Variants in MICAL2 observed in about 807,000 individuals in gnomAD.
MICAL2 encodes the protein [F-actin]-monooxygenase MICAL2.
MICAL2 carries 77 observed loss-of-function variants against 127.3 expected under a neutral mutation model. That is an observed-to-expected ratio of 0.60 (90% CI 0.50 to 0.73). MICAL2 has a LOEUF of 0.73. MICAL2 is among the 30% of genes least tolerant of loss of function. The pLI is 0.00. For synonymous variants in MICAL2, 570 were observed against 551.1 expected, an observed-to-expected ratio of 1.03 and a Z score of -0.48; for missense variants, 1,351 against 1,434.4, an observed-to-expected ratio of 0.94 and a Z score of 0.94.
chr11:12,298,607 C>T (rs886106746), intron 29 of MICAL2, among the ~76,000 whole-genome samples: 1 of 152,070 alleles, frequency 6.6e-6, no homozygotes, highest in African/African-American at 2.4e-5. Flanking sequence ...CCCAGTTAAG[C>T]ATGGTAACTG....
downstream of MICAL2, among the ~76,000 whole-genome samples, chr11:12,290,705 C>T (rs868456181): frequency 4.1e-4 from 62 of 152,318 alleles, no homozygotes; most frequent in Middle Eastern, 3.4e-3. Context: ...ATTACCTTTT[C>T]CCTCCAAAGC....
Position 12,311,885 on chromosome 11 carries a change from C to T in MICAL2, c.5213-7811C>T, listed in dbSNP as rs776508776. On this transcript the variant is annotated intron_variant, in intron 29 of 34. Coordinates refer to the MICAL2 transcript ENST00000646065. The stretch of plus-strand genomic sequence containing the variant: ...ATAACCTAGAACTGTTTTTGTGGAA[C>T]GTTTTTTAATTATAAATTTAGTCCC... Among the ~76,000 whole-genome samples, 5 of 151,954 alleles carry T rather than the reference C, an allele frequency of 3.3e-5. No homozygotes were observed. In the East Asian group the frequency reaches 7.7e-4, roughly 23 times the overall value.
At chr11:12,208,461 C>G (rs1855007416) in intron 5 of MICAL2, 1 of 257,476 alleles carries the variant, frequency 3.9e-6, no homozygotes, top group Non-Finnish European at 7.5e-6. Context: ...AAGGTTCATT[C>G]ACGTGTTCTT....
chr11:12,274,439 T>C (rs1346318239), upstream of MICAL2: 3 of 152,102 alleles, frequency 2.0e-5, no homozygotes, highest in African/African-American at 7.2e-5. Context: ...GGAAATTGTA[T>C]AGTTTATTGG....
chr11:12,201,722 G>A (rs1232304905), intron 3 of MICAL2, among the ~76,000 whole-genome samples: 1 of 152,228 alleles, frequency 6.6e-6, no homozygotes, highest in East Asian at 1.9e-4. Context: ...AGTGTCCATT[G>A]AGGACCGAGC....
At chr11:12,281,250 G>A (rs1333201809) in intron 2 of MICAL2, among the ~76,000 whole-genome samples, 3 of 152,204 alleles carry the variant, frequency 2.0e-5, no homozygotes, top group Non-Finnish European at 2.9e-5. Context: ...GGAGTGGGAC[G>A]CAAGTGGCAG....
chr11:12,208,036 A>G lies in MICAL2; in HGVS notation c.486A>G (p.Leu162=). The G allele has an allele frequency of 1.2e-6, 2 of 1,614,114 alleles. No homozygotes were observed. Among genetic ancestry groups the G allele is most frequent in the African/African-American group, 1.3e-5 (1 of 75,062 alleles). Residue 162 remains leucine, a synonymous_variant, in exon 5 of 28, where the codon CTA becomes CTG. Transcript: ENST00000683283. ...GSIDHISIRQ[L]QLILFKVALM... ...CCTGCCTGACAGGTATTCGCCAACTACAGCTCATCCTATTCAAGGTGGCCC... is the reference window on the plus strand; with the variant it reads ...CCTGCCTGACAGGTATTCGCCAACTGCAGCTCATCCTATTCAAGGTGGCCC...
At chr11:12,243,860 C>G in intron 20 of MICAL2, 127 bp from the exon 21 acceptor site, 8 of 1,148,256 alleles carry the variant, frequency 7.0e-6, no homozygotes, top group Non-Finnish European at 1.0e-5. Context: ...TCTGTGTTGT[C>G]CTGAGACATG....
At chr11:12,207,808 C>G (rs1565163150) in intron 4 of MICAL2, 1 of 489,100 alleles carries the variant, frequency 2.0e-6, no homozygotes. Context: ...AATTTCTCAT[C>G]TACAGAATGA....
At chr11:12,318,729 A>T (rs894606542) in intron 29 of MICAL2, among the ~76,000 whole-genome samples, 1 of 152,204 alleles carries the variant, frequency 6.6e-6, no homozygotes. Context: ...TAATCCAGCT[A>T]TTACTCATTA....
intron 3 of MICAL2, among the ~76,000 whole-genome samples, chr11:12,180,349 A>ATATATATATATATATATATATATATTT (rs11403732): frequency 1.3e-4 from 18 of 139,670 alleles, no homozygotes; most frequent in African/African-American, 4.8e-4. Context: ...ATATGTATAT[A>ATATATATATATATATATATATATATTT]TTTTTTTTTT....
chr11:12,244,580 G>A (rs1174521839), intron 21 of MICAL2, among the ~76,000 whole-genome samples: 1 of 152,176 alleles, frequency 6.6e-6, no homozygotes, highest in Non-Finnish European at 1.5e-5. Flanking sequence ...TTCTATAAGA[G>A]GTTTAAAGGG....
At chr11:12,344,001 T>A (rs554461393) in intron 32 of MICAL2, among the ~76,000 whole-genome samples, 1 of 152,282 alleles carries the variant, frequency 6.6e-6, no homozygotes, top group Admixed American at 6.5e-5. Flanking sequence ...GCTTTTGAAA[T>A]GTCTTGCATA....
intron 32 of MICAL2, among the ~76,000 whole-genome samples, chr11:12,342,202 G>A (rs890419174): frequency 2.0e-5 from 3 of 152,234 alleles, no homozygotes; most frequent in South Asian, 2.1e-4. Context: ...CCTTTTGGCT[G>A]CACCATTGCA....
chr11:12,198,534 C>G (rs1375273727), intron 3 of MICAL2, among the ~76,000 whole-genome samples: 1 of 152,202 alleles, frequency 6.6e-6, no homozygotes, highest in African/African-American at 2.4e-5. Context: ...AAACCAGTAA[C>G]AGCCAGGGGC....
downstream of MICAL2, among the ~76,000 whole-genome samples, chr11:12,288,422 G>A (rs1210975067): frequency 1.3e-5 from 2 of 152,238 alleles, no homozygotes; most frequent in African/African-American, 4.8e-5. Context: ...TGGGGTGAGA[G>A]CAGGGAGGCT....
chr11:12,213,339 A>G lies in MICAL2; in HGVS notation c.776A>G (p.Lys259Arg). 1 of 1,614,180 alleles carries G rather than the reference A, an allele frequency of 6.2e-7. No individual in the cohort carries two copies. Among genetic ancestry groups the G allele is most frequent in the Non-Finnish European group, 8.5e-7 (1 of 1,180,004 alleles). ...AACAGAAACAGCACAGCGGAAGCCAAGGTGGAAGAGATTAGTGGTGTGGCT... is the reference window on the plus strand; with the variant it reads ...AACAGAAACAGCACAGCGGAAGCCAGGGTGGAAGAGATTAGTGGTGTGGCT... Reference protein sequence around the residue: ...FINRNSTAEAKVEEISGVAFI... With the variant: ...FINRNSTAEARVEEISGVAFI... The change falls in exon 7 of 28, where the codon AAG becomes AGG. Residue 259 changes from lysine (K) to arginine (R), a missense_variant. Lys to Arg is a conservative substitution (Grantham distance 26). Around this residue, in one of 2 missense-constraint regions of MICAL2, gnomAD observed 599 missense variants for 714.9 expected, o/e 0.84. Coordinates refer to ENST00000683283, the MANE Select transcript of MICAL2 (RefSeq NM_001282663.2).
At chr11:12,227,779 C>A (rs1327164964) in intron 15 of MICAL2, among the ~76,000 whole-genome samples, 3 of 152,112 alleles carry the variant, frequency 2.0e-5, no homozygotes, top group Non-Finnish European at 4.4e-5. Flanking sequence ...AAAATAAATA[C>A]CTAACAGTTT....
At chr11:12,236,293 C>G in intron 16 of MICAL2, 48 bp downstream of exon 16, 1 of 1,559,640 alleles carries the variant, frequency 6.4e-7, no homozygotes, top group Admixed American at 1.7e-5. Flanking sequence ...TTCCTGACAA[C>G]CAGTGGCCAC....
Sources: allele counts gnomAD v4.1 joint callset (sites outside exome capture counted in the v4.1 genomes callset), GRCh38; gene constraint gnomAD v4.1.1; regional missense constraint gnomAD v4.1.1; transcripts MANE v1.5; gene names NCBI Gene and HGNC (gene_info 2026-07-23, HGNC 2026-07-21).